GNS: variants seen among roughly 807,000 people sequenced by gnomAD.
The protein encoded by GNS is glucosamine (N-acetyl)-6-sulfatase, also known as N-acetylglucosamine-6-sulfatase.
A neutral mutation model predicts 69.7 loss-of-function variants in GNS; 40 were observed. The ratio of observed to expected loss-of-function variants is 0.57; its 90% CI spans 0.45 to 0.75. GNS has a LOEUF of 0.75. Among genes scored for constraint, GNS ranks in the 30% least tolerant of loss-of-function variants. The pLI is 0.00. For synonymous variants in GNS, 243 were observed against 251.6 expected (o/e 0.97, Z 0.32); for missense variants, 565 against 685.5 (o/e 0.82, Z 1.96).
At position 64,723,030 on chromosome 12, in the gene GNS, G is replaced by A; in HGVS notation, c.1284C>T (p.Cys428=). The A allele has an allele frequency of 6.2e-7, 1 of 1,607,054 alleles. No individual in the cohort carries two copies. The highest frequency in any genetic ancestry group is 1.1e-5 in the South Asian group (1 of 90,950). Residue 428 remains cysteine (C), a synonymous_variant, in exon 11 of 14, where the codon TGC becomes TGT. Coordinates refer to ENST00000258145, the MANE Select transcript of GNS (RefSeq NM_002076.4). ...GEGRNVTDPT[C]PSLSPGVSQC... ...CAGATACGCCAGGACTCAGGGAAGG[G>A]CATGTTGGGTCAGTGACGTTACGGC...
chr12:64,754,984 TC>T (rs534202842), intron 1 of GNS, among the ~76,000 whole-genome samples: 127 of 152,114 alleles, frequency 8.3e-4, no homozygotes, highest in African/African-American at 2.7e-3. Flanking sequence ...ATTGAAAAAG[TC>T]CCAAACAAGA....
At chr12:64,736,944 C>T in intron 9 of GNS, 60 bp downstream of exon 9, 1 of 855,206 alleles carries the variant, frequency 1.2e-6, no homozygotes, top group Non-Finnish European at 2.1e-6. Context: ...CAGGAGGAAA[C>T]ACCTTATTTT....
intron 3 of GNS, chr12:64,746,087 T>A (rs1869889955): frequency 2.9e-6 from 1 of 340,416 alleles, no homozygotes; most frequent in African/African-American, 2.1e-5. Flanking sequence ...CACAGCCACA[T>A]TCATTTACAT....
At chr12:64,720,291 A>G (rs1178119553) in intron 12 of GNS, 109 bp from the exon 13 acceptor site, 1 of 778,268 alleles carries the variant, frequency 1.3e-6, no homozygotes, top group Non-Finnish European at 2.2e-6. Flanking sequence ...AGATTAAAAA[A>G]AAAAAAAATC....
chr12:64,720,279 G>T (rs544271579), intron 12 of GNS, 97 bp from the exon 13 acceptor site: 3 of 828,988 alleles, frequency 3.6e-6, no homozygotes, highest in Admixed American at 2.0e-5. Context: ...AAGGGAGGAG[G>T]TAGATTAAAA....
chr12:64,738,063 G>A (rs1869608192), intron 8 of GNS, among the ~76,000 whole-genome samples: 1 of 151,280 alleles, frequency 6.6e-6, no homozygotes, highest in Non-Finnish European at 1.5e-5. Flanking sequence ...ACACTGGAGT[G>A]CAGTGGCACG....
chr12:64,750,896 A>T (rs1021540348), intron 2 of GNS, among the ~76,000 whole-genome samples: 2 of 152,142 alleles, frequency 1.3e-5, no homozygotes, highest in Non-Finnish European at 2.9e-5. Context: ...GTAGAGTGAG[A>T]CCCTGTCTCA....
chr12:64,755,275 T>C (rs1477113791), intron 1 of GNS, among the ~76,000 whole-genome samples: 1 of 152,184 alleles, frequency 6.6e-6, no homozygotes. Flanking sequence ...ACAATGGAAA[T>C]TGTTTTGCTT....
At chr12:64,741,842 C>T (rs370095184) in intron 6 of GNS, among the ~76,000 whole-genome samples, 60 of 152,224 alleles carry the variant, frequency 3.9e-4, no homozygotes, top group African/African-American at 1.4e-3. Context: ...AATTCACATT[C>T]GATCATGAAT....
In GNS at chr12:64,745,742, T is replaced by A; in HGVS notation, c.460-18A>T. Reference sequence around the variant, plus strand: ...GCTCCGTACTGAAAAGCAAAACAAGTAGGGACAATTACAAGTCCTTAGATA... The same window carrying A: ...GCTCCGTACTGAAAAGCAAAACAAGAAGGGACAATTACAAGTCCTTAGATA... On this transcript the variant is annotated intron_variant, in intron 3 of 13. Transcript: ENST00000258145. The A allele has an allele frequency of 6.6e-7, 1 of 1,513,800 alleles. No individual in the cohort carries two copies. The highest frequency in any genetic ancestry group is 9.2e-7 in the Non-Finnish European group (1 of 1,088,368). 93.8% of individuals were successfully genotyped at this position (1,513,800 alleles called of 1,614,324 possible).
chr12:64,733,204 A>G (rs1191483992), intron 9 of GNS, among the ~76,000 whole-genome samples: 1 of 144,396 alleles, frequency 6.9e-6, no homozygotes, highest in African/African-American at 2.5e-5. Context: ...AGGCTGAGGT[A>G]GGAGAATCAC....
chr12:64,739,702 C>T (rs1264883963), intron 7 of GNS, among the ~76,000 whole-genome samples: 1 of 151,644 alleles, frequency 6.6e-6, no homozygotes, highest in Non-Finnish European at 1.5e-5. Flanking sequence ...ATTCCCTAGA[C>T]CTTCCCATTG....
At position 64,743,277 on chromosome 12, in the gene GNS, T is replaced by C; in HGVS notation, c.656A>G (p.Lys219Arg). ...ANVSLDFLDY[K>R]SNFEPFFMMI... ...CATGAAGAAGGGCTCAAAGTTGGAC[T>C]TGTAGTCCAGAAAGTCCAAGGAGAC... Residue 219 changes from lysine (K) to arginine (R), a missense_variant, in exon 6 of 14, where the codon AAG (lysine) becomes AGG (arginine). By Grantham distance (26) the Lys-to-Arg change is conservative (BLOSUM62 2). Around this residue, in one of 2 missense-constraint regions of GNS, gnomAD observed 384 missense variants for 511.0 expected, o/e 0.75. Transcript: ENST00000258145. The C allele has an allele frequency of 4.3e-6, 7 of 1,613,532 alleles. No individual in the cohort carries two copies. The highest frequency in any genetic ancestry group is 5.9e-6 in the Non-Finnish European group (7 of 1,179,492).
At chr12:64,725,803 T>G (rs1159721515) in intron 10 of GNS, among the ~76,000 whole-genome samples, 1 of 151,910 alleles carries the variant, frequency 6.6e-6, no homozygotes, top group African/African-American at 2.4e-5. Context: ...GAGACCATCC[T>G]GGCTAACACG....
At chr12:64,754,706 C>G (rs1458095015) in intron 1 of GNS, among the ~76,000 whole-genome samples, 2 of 152,082 alleles carry the variant, frequency 1.3e-5, no homozygotes, top group African/African-American at 4.8e-5. Context: ...CTGGGCAACA[C>G]AGCAAGACCC....
intron 1 of GNS, among the ~76,000 whole-genome samples, chr12:64,758,309 CTTTTTTTTTTTTTTTTTTT>C (rs139394351): frequency 1.5e-5 from 1 of 67,368 alleles, no homozygotes; most frequent in Admixed American, 2.0e-4. Flanking sequence ...CACTTCAGGC[CTTTTTTTTTTTTTTTTTTT>C]TTTTTTTTTT....
intron 2 of GNS, among the ~76,000 whole-genome samples, chr12:64,749,001 G>A (rs914669442): frequency 1.8e-4 from 27 of 152,146 alleles, no homozygotes; most frequent in South Asian, 8.3e-4. Context: ...GTGCAGTGGC[G>A]CGATCTTGGC....
At chr12:64,732,898 C>CA (rs1018635437) in intron 9 of GNS, among the ~76,000 whole-genome samples, 8 of 151,968 alleles carry the variant, frequency 5.3e-5, no homozygotes, top group African/African-American at 1.7e-4. Flanking sequence ...CATGCCCAGA[C>CA]AAAAAAATAA....
chr12:64,724,181 C>T (rs567972811), intron 10 of GNS, among the ~76,000 whole-genome samples: 7 of 152,226 alleles, frequency 4.6e-5, no homozygotes, highest in Admixed American at 3.3e-4. Flanking sequence ...GTGATTTCCA[C>T]GCATAGTAAA....
Sources: gnomAD v4.1 joint callset for allele counts (sites outside exome capture counted in the v4.1 genomes callset) on GRCh38, gnomAD v4.1.1 for gene constraint, gnomAD v4.1.1 regional missense constraint, MANE v1.5 for transcripts, NCBI Gene and HGNC (gene_info 2026-07-23, HGNC 2026-07-21) for gene names.